TTLL3: variants seen among roughly 807,000 people sequenced by gnomAD.
TTLL3 encodes tubulin tyrosine ligase like 3.
A neutral mutation model predicts 75.2 loss-of-function variants in TTLL3; 63 were observed. The observed-to-expected ratio is 0.84, with a 90% CI of 0.68 to 1.03. The LOEUF (loss-of-function observed/expected upper bound fraction) is 1.03. Among genes scored for constraint, TTLL3 ranks in the 50% least tolerant of loss-of-function variants. TTLL3 has a pLI of 0.00. For synonymous variants in TTLL3, 393 were observed against 418.5 expected, an observed-to-expected ratio of 0.94 and a Z score of 0.74; for missense variants, 997 against 1,069.9, an observed-to-expected ratio of 0.93 and a Z score of 0.95.
At chr3:9,825,642 GGGCCGGA>G (rs751749038) in intron 8 of TTLL3, 151 bp from the exon 9 acceptor site, 17 of 1,352,628 alleles carry the variant, frequency 1.3e-5, no homozygotes, top group Non-Finnish European at 1.6e-5. Flanking sequence ...CTTGAAGGTG[GGGCCGGA>G]GGCTTGGGAG....
At chr3:9,830,810 CTTTT>C (rs879759786) in intron 11 of TTLL3, among the ~76,000 whole-genome samples, 1 of 149,966 alleles carries the variant, frequency 6.7e-6, no homozygotes, top group African/African-American at 2.4e-5. Flanking sequence ...CCCCAAATAT[CTTTT>C]TTTTTTGAGA....
chr3:9,823,575 T>A (rs1213013466), intron 8 of TTLL3, among the ~76,000 whole-genome samples: 1 of 152,132 alleles, frequency 6.6e-6, no homozygotes, highest in East Asian at 1.9e-4. Context: ...GATATTTTCC[T>A]GGGCCACATC....
chr3:9,831,111 C>T (rs2081487479), intron 11 of TTLL3, among the ~76,000 whole-genome samples: 1 of 152,130 alleles, frequency 6.6e-6, no homozygotes, highest in South Asian at 2.1e-4. Flanking sequence ...CTCTAAATGT[C>T]TTTTATTGCT....
chr3:9,820,177 GA>G, intron 7 of TTLL3: 2 of 1,023,878 alleles, frequency 2.0e-6, no homozygotes, highest in Middle Eastern at 4.8e-4. Flanking sequence ...AGACTTGGGG[GA>G]GGGGCGTTCA....
At chr3:9,832,696 G>C (rs2081671150) in intron 11 of TTLL3, among the ~76,000 whole-genome samples, 1 of 152,118 alleles carries the variant, frequency 6.6e-6, no homozygotes, top group Non-Finnish European at 1.5e-5. Flanking sequence ...ATTCACACGA[G>C]GCTCTAGGCA....
intron 8 of TTLL3, among the ~76,000 whole-genome samples, chr3:9,822,471 C>T (rs1421220098): frequency 3.3e-5 from 5 of 151,942 alleles, no homozygotes; most frequent in South Asian, 2.1e-4. Context: ...AACAGACATA[C>T]ACAGTGTTGA....
Position 9,825,861 on chromosome 3 carries a change from C to T in TTLL3, c.916C>T (p.Gln306Ter), listed in dbSNP as rs1350130563. 96 of 1,614,080 alleles carry T rather than the reference C, an allele frequency of 5.9e-5. No individual in the cohort carries two copies. Among genetic ancestry groups the T allele is most frequent in the Non-Finnish European group, 7.9e-5 (93 of 1,180,038 alleles). The stretch of plus-strand genomic sequence containing the variant: ...CCAGCGCTGTGAGGACATCCTGCAG[C>T]AGCTGCAGGCCGTGGTACCCCAGAT... ...QVQRCEDILQ[Q>*]LQAVVPQIDM... Residue 306 changes from glutamine to a stop codon, truncating the protein, a stop_gained, in exon 9 of 14, where the codon CAG (glutamine) becomes TAG (stop). Transcript: ENST00000685419. LOFTEE classifies it high-confidence loss of function.
Position 9,820,754 on chromosome 3 carries a change from C to T in TTLL3, c.854+13C>T, listed in dbSNP as rs1347465196. ...ACCAAGTGGTCCAGTGAGTCCCCTG[C>T]AGCTGGGACTTTGGGCTGTGGGCAG... On this transcript the variant is annotated intron_variant, in intron 8 of 13. Coordinates refer to ENST00000685419, the MANE Select transcript of TTLL3 (RefSeq NM_001387446.1). 5 of 1,613,206 alleles carry T rather than the reference C, an allele frequency of 3.1e-6. No homozygotes were observed. The Admixed American group carries it at 8.3e-5, about 27-fold the overall frequency.
At chr3:9,828,881 C>T (rs1177472971) in intron 10 of TTLL3, 79 bp from the exon 11 acceptor site, 3 of 1,567,558 alleles carry the variant, frequency 1.9e-6, no homozygotes, top group Non-Finnish European at 2.6e-6. Context: ...GGGCTGCTTC[C>T]AGGACTTGCC....
At chr3:9,819,006 T>G in intron 7 of TTLL3, 86 bp downstream of exon 7, 1 of 1,557,884 alleles carries the variant, frequency 6.4e-7, no homozygotes, top group South Asian at 1.1e-5. Flanking sequence ...TACCTATCTA[T>G]TCATCCACGC....
At chr3:9,827,520 A>C (rs942571494) in intron 10 of TTLL3, 7 of 418,514 alleles carry the variant, frequency 1.7e-5, no homozygotes, top group African/African-American at 1.4e-4. Context: ...CTTCCTCCTC[A>C]GCCTCCCAAG....
chr3:9,809,959 G>GGGGCCCGGGATCAGGGGCCCTGGGAGGGC, upstream of TTLL3: 1 of 1,173,090 alleles, frequency 8.5e-7, no homozygotes, highest in Non-Finnish European at 1.1e-6. Flanking sequence ...GCGACGCGGA[G>GGGGCCCGGGATCAGGGGCCCTGGGAGGGC]GGGCGCGGGA....
Position 9,810,448 on chromosome 3 carries a change from A to C in TTLL3, c.-42+54A>C. On this transcript the variant is annotated intron_variant, in intron 1 of 13. Transcript: ENST00000685419. This position sits in a 1 kb window ranked among gnomAD's most constrained non-coding sequence, Gnocchi z 4.4. ...GCCTACAGCGGCTGCGAGGACGACA[A>C]GACGCTGGGGTGGAGGGACTGGGGG... The C allele has an allele frequency of 7.0e-7, 1 of 1,429,772 alleles. No individual in the cohort carries two copies. Among genetic ancestry groups the C allele is most frequent in the Admixed American group, 2.9e-5 (1 of 34,370 alleles). The allele number at this position is 1,429,772 out of a possible 1,614,324, so 88.6% of individuals were successfully genotyped here. A position where few individuals can be genotyped will look rare whatever the true frequency, so the allele number is the denominator to read the frequency against.
intron 10 of TTLL3, chr3:9,827,467 G>A: frequency 3.1e-6 from 2 of 650,938 alleles, no homozygotes; most frequent in South Asian, 4.2e-5. Context: ...CAGTGGCATG[G>A]TCACGGCTCA....
intron 11 of TTLL3, among the ~76,000 whole-genome samples, chr3:9,832,608 C>G (rs2081661551): frequency 6.6e-6 from 1 of 152,186 alleles, no homozygotes; most frequent in Non-Finnish European, 1.5e-5. Flanking sequence ...CTCTGCCTTC[C>G]TCTGCATATT....
At chr3:9,817,527 A>G (rs537322098) in intron 5 of TTLL3, 118 bp from the exon 6 acceptor site, 6 of 1,575,078 alleles carry the variant, frequency 3.8e-6, no homozygotes, top group African/African-American at 2.7e-5. Flanking sequence ...AGCAACTCAG[A>G]CCTTGCAAGC....
intron 8 of TTLL3, among the ~76,000 whole-genome samples, chr3:9,823,378 T>C (rs190464843): frequency 8.8e-5 from 13 of 147,696 alleles, no homozygotes; most frequent in Admixed American, 8.1e-4. Flanking sequence ...AGCGAGACTG[T>C]CTCAAAGAAA....
chr3:9,811,956 A>C (rs1020035802), intron 2 of TTLL3, among the ~76,000 whole-genome samples: 1 of 152,226 alleles, frequency 6.6e-6, no homozygotes, highest in East Asian at 1.9e-4. Flanking sequence ...TCTGGAGCCA[A>C]ACTGCCAGGA....
In TTLL3 at chr3:9,835,196, C is replaced by T. The variant is rs757974902; in HGVS notation, c.2155C>T (p.Pro719Ser). Residue 719 changes from proline (P) to serine (S), a missense_variant, in exon 14 of 14, where the codon CCA (proline) becomes TCA (serine). By Grantham distance (74) the Pro-to-Ser change is moderately conservative (BLOSUM62 -1). Coordinates refer to ENST00000685419, the MANE Select transcript of TTLL3 (RefSeq NM_001387446.1). ...CCTAGCACCTGTCGGAAGGTCAAGG[C>T]CAAAGGCAAATTCAAGGCCAGACTG... is the stretch of plus-strand genomic sequence containing the variant. ...QFLAPVGRSR[P>S]KANSRPDCDK... 1.9e-5 allele frequency: 31 copies of T among 1,613,978 alleles called. No homozygotes were observed. Among genetic ancestry groups the T allele is most frequent in the Admixed American group, 5.0e-5 (3 of 59,916 alleles).
Sources: allele counts gnomAD v4.1 joint callset (sites outside exome capture counted in the v4.1 genomes callset), GRCh38; gene constraint gnomAD v4.1.1; non-coding constraint Gnocchi (gnomAD v3.1); transcripts MANE v1.5; gene names NCBI Gene and HGNC (gene_info 2026-07-23, HGNC 2026-07-21).